Variants in TGM6 observed in about 807,000 individuals in gnomAD.
TGM6 encodes protein-glutamine gamma-glutamyltransferase 6.
TGM6 carries 74 observed loss-of-function variants against 77.5 expected under a neutral mutation model. That is an observed-to-expected ratio of 0.96 (90% CI 0.79 to 1.16). The LOEUF (loss-of-function observed/expected upper bound fraction) is 1.16. TGM6 is among the 50% of genes most tolerant of loss of function. TGM6 has a pLI of 0.00. For missense variants in TGM6, 968 were observed against 940.2 expected (o/e 1.03, Z -0.39); for synonymous variants, 383 against 378.9 (o/e 1.01, Z -0.12).
chr20:2,406,727 T>A (rs1192538316), intron 9 of TGM6, among the ~76,000 whole-genome samples: 13 of 146,694 alleles, frequency 8.9e-5, no homozygotes, highest in Admixed American at 8.3e-4. Context: ...CCCAGCTACT[T>A]GGGAGGCTGA....
At chr20:2,383,703 A>C (rs1039016493) in intron 1 of TGM6, among the ~76,000 whole-genome samples, 8 of 152,196 alleles carry the variant, frequency 5.3e-5, no homozygotes, top group African/African-American at 1.7e-4. Flanking sequence ...ACAGTCGCTT[A>C]AGCGAGAAGC....
chr20:2,404,512 C>T (rs945574053), intron 9 of TGM6, among the ~76,000 whole-genome samples: 2 of 152,166 alleles, frequency 1.3e-5, no homozygotes, highest in South Asian at 2.1e-4. Context: ...CCTGTCTCCT[C>T]CTGTCCCCTG....
At position 2,403,350 on chromosome 20, in the gene TGM6, C is replaced by T. The variant is rs143305256; in HGVS notation, c.990-47C>T. On this transcript the variant is annotated intron_variant, in intron 7 of 12. Transcript: ENST00000202625. The stretch of plus-strand genomic sequence containing the variant: ...TGCCTCTCAGTAGGATCTTCCCTTC[C>T]TATGCCCTCACTCTAGGCAGCTTCA... 425 of 1,605,756 alleles carry T rather than the reference C, an allele frequency of 2.6e-4. 2 individuals are homozygous for T. In the African/African-American group the frequency reaches 5.0e-3, roughly 19 times the overall value.
At chr20:2,384,347 A>G (rs766000999) in intron 1 of TGM6, among the ~76,000 whole-genome samples, 7 of 152,124 alleles carry the variant, frequency 4.6e-5, no homozygotes, top group Non-Finnish European at 8.8e-5. Context: ...GACGAAAGAT[A>G]TTATTATTGC....
chr20:2,388,756 G>T (rs1004840883), intron 1 of TGM6, among the ~76,000 whole-genome samples: 3 of 152,108 alleles, frequency 2.0e-5, no homozygotes, highest in Admixed American at 6.6e-5. Context: ...ATTTGGAAAA[G>T]CACTTGGTTC....
rs111639620 is a variant in TGM6 at position 2,384,471 on chromosome 20, G to A, written c.7+3496G>A. On this transcript the variant is annotated intron_variant, in intron 1 of 12. Coordinates refer to ENST00000202625, the MANE Select transcript of TGM6 (RefSeq NM_198994.3). ...ACAGGAATGGCAGCTAGGAGGTCTT[G>A]TGTAAATAGTAATGATGATACCACT... is the stretch of plus-strand genomic sequence containing the variant. Among the ~76,000 whole-genome samples the A allele has an allele frequency of 6.1e-3, 922 of 152,316 alleles. 6 individuals are homozygous for A. Among genetic ancestry groups the A allele is most frequent in the African/African-American group, 0.021 (861 of 41,558 alleles).
intron 10 of TGM6, among the ~76,000 whole-genome samples, chr20:2,428,998 T>C (rs1333561946): frequency 6.6e-6 from 1 of 152,014 alleles, no homozygotes; most frequent in Non-Finnish European, 1.5e-5. Context: ...ATTTTGTAAT[T>C]TTTTTTAGTA....
rs1462230523 is a variant in TGM6 at position 2,399,154 on chromosome 20, A to AG, written c.673-407_673-406insG. 1.0e-3 allele frequency among the ~76,000 whole-genome samples: 132 copies of AG among 126,220 alleles called. 5 individuals are homozygous for AG. Among genetic ancestry groups the AG allele is most frequent in the Non-Finnish European group, 5.4e-4 (31 of 57,036 alleles). 82.8% of individuals were successfully genotyped at this position (126,220 alleles called of 152,430 possible). ...TTTTTGCATCTGAAAAAAAAAAAAA[A>AG]AAAGAATAATGAAACCTACATTGTA... On this transcript the variant is annotated intron_variant, in intron 5 of 12. Transcript: ENST00000202625.
chr20:2,384,119 A>G (rs1041771975), intron 1 of TGM6, among the ~76,000 whole-genome samples: 3 of 151,816 alleles, frequency 2.0e-5, no homozygotes, highest in Non-Finnish European at 4.4e-5. Context: ...AAAAAAAAAA[A>G]AAAAAAAATC....
intron 10 of TGM6, among the ~76,000 whole-genome samples, chr20:2,422,707 G>A (rs2084864617): frequency 6.6e-6 from 1 of 152,048 alleles, no homozygotes; most frequent in South Asian, 2.1e-4. Context: ...TGAGGCAGAA[G>A]GATCACTTGA....
At chr20:2,392,184 G>A (rs530110116) in intron 1 of TGM6, among the ~76,000 whole-genome samples, 50 of 152,280 alleles carry the variant, frequency 3.3e-4, no homozygotes, top group Admixed American at 2.0e-3. Context: ...GGGCCAGTGC[G>A]TATTTGATGG....
chr20:2,399,822 G>T (rs1599951130), intron 6 of TGM6, 84 bp downstream of exon 6: 2 of 1,228,546 alleles, frequency 1.6e-6, no homozygotes, highest in Non-Finnish European at 1.1e-6. Context: ...TGCATATGCT[G>T]CAACCCATCT....
intron 7 of TGM6, among the ~76,000 whole-genome samples, chr20:2,402,545 G>T (rs1159229220): frequency 6.6e-6 from 1 of 152,118 alleles, no homozygotes; most frequent in Non-Finnish European, 1.5e-5. Flanking sequence ...GGTTATCAGG[G>T]TCCCACCTTT....
At chr20:2,420,169 C>T (rs1044825446) in intron 10 of TGM6, among the ~76,000 whole-genome samples, 2 of 152,018 alleles carry the variant, frequency 1.3e-5, no homozygotes, top group South Asian at 4.1e-4. Flanking sequence ...GGCGTGAACC[C>T]AGGAGGCAGA....
chr20:2,418,288 G>A (rs912871779), intron 10 of TGM6, among the ~76,000 whole-genome samples: 2 of 152,148 alleles, frequency 1.3e-5, no homozygotes, highest in Non-Finnish European at 2.9e-5. Flanking sequence ...CTTAAGCCAC[G>A]GCACCAGGCC....
chr20:2,394,185 T>C (rs2084646048), intron 1 of TGM6, among the ~76,000 whole-genome samples: 1 of 152,020 alleles, frequency 6.6e-6, no homozygotes, highest in Non-Finnish European at 1.5e-5. Flanking sequence ...TTCCAGCTAC[T>C]CGGGAGGCTG....
At chr20:2,418,116 G>A (rs1229969988) in intron 10 of TGM6, among the ~76,000 whole-genome samples, 2 of 152,038 alleles carry the variant, frequency 1.3e-5, no homozygotes, top group Non-Finnish European at 2.9e-5. Context: ...GGGTTCAAGG[G>A]CTTCTCTTGC....
chr20:2,404,384 A>G (rs1461797972), intron 9 of TGM6, among the ~76,000 whole-genome samples: 1 of 152,102 alleles, frequency 6.6e-6, no homozygotes, highest in Non-Finnish European at 1.5e-5. Context: ...TCCCTTTCCC[A>G]CTGTGTAACA....
intron 1 of TGM6, among the ~76,000 whole-genome samples, chr20:2,391,586 AAG>A (rs749149774): frequency 6.6e-6 from 1 of 152,066 alleles, no homozygotes; most frequent in African/African-American, 2.4e-5. Flanking sequence ...GACAGATCAT[AAG>A]AGACAATGGG....
Sources: gnomAD v4.1 joint callset for allele counts (sites outside exome capture counted in the v4.1 genomes callset) on GRCh38, gnomAD v4.1.1 for gene constraint, MANE v1.5 for transcripts, NCBI Gene and HGNC (gene_info 2026-07-23, HGNC 2026-07-21) for gene names.